The following EYS variants were observed in gnomAD, a reference collection of about 807,000 sequenced individuals.
EYS encodes the protein protein eyes shut homolog.
In EYS, 250 loss-of-function variants were observed where a neutral mutation model predicts 282.1. That is an observed-to-expected ratio of 0.89 (90% CI 0.80 to 0.98). The LOEUF is 0.98. EYS is among the 50% of genes least tolerant of loss of function. EYS has a pLI of 0.00. For synonymous variants in EYS, 1,355 were observed against 1,282.9 expected, an observed-to-expected ratio of 1.06 and a Z score of -1.20; for missense variants, 4,016 against 3,709.0, an observed-to-expected ratio of 1.08 and a Z score of -2.15.
intron 5 of EYS, among the ~76,000 whole-genome samples, chr6:65,412,084 A>T (rs903406410): frequency 6.6e-6 from 1 of 152,098 alleles, no homozygotes; most frequent in Non-Finnish European, 1.5e-5. Context: ...TAATAATCAG[A>T]TAGCTTGCTA....
intron 26 of EYS, among the ~76,000 whole-genome samples, chr6:64,451,611 T>A (rs997357021): frequency 6.6e-6 from 1 of 152,110 alleles, no homozygotes; most frequent in African/African-American, 2.4e-5. Context: ...AAATCCTCAA[T>A]AAAATACTGG....
chr6:65,286,857 G>C (rs781392176), intron 12 of EYS, among the ~76,000 whole-genome samples: 11 of 151,458 alleles, frequency 7.3e-5, no homozygotes, highest in Non-Finnish European at 1.2e-4. Flanking sequence ...TAGTGAATGG[G>C]GTTTTAGTTT....
At chr6:64,515,074 G>T (rs192188673) in intron 26 of EYS, among the ~76,000 whole-genome samples, 5 of 151,748 alleles carry the variant, frequency 3.3e-5, no homozygotes, top group African/African-American at 1.2e-4. Flanking sequence ...TTCCACTGTT[G>T]ATTTTCTACT....
At chr6:65,330,882 A>G (rs1769773148) in intron 11 of EYS, 1 of 959,524 alleles carries the variant, frequency 1.0e-6, no homozygotes, top group Admixed American at 6.2e-5. Context: ...AGTTTCATTT[A>G]AGGTCTTATT....
Position 64,591,800 on chromosome 6 carries a change from C to T in EYS, c.4067G>A (p.Arg1356His), listed in dbSNP as rs961867431. 52 of 1,551,052 alleles carry T rather than the reference C, an allele frequency of 3.4e-5. No homozygotes were observed. The Admixed American group carries it at 5.7e-4, about 17-fold the overall frequency. ...GTCCTGGACAATTTGTGCTGGGTCA[C>T]GAATACCAAAATTCAGGAATCGAGA... ...SSSRFLNFGIRDPAQIVQDKT... is the reference protein window; with the variant it reads ...SSSRFLNFGIHDPAQIVQDKT... Residue 1356 changes from arginine to histidine, a missense_variant, in exon 26 of 43, where the codon CGT (arginine) becomes CAT (histidine). By Grantham distance (29) the Arg-to-His change is conservative. Transcript: ENST00000503581.
intron 26 of EYS, among the ~76,000 whole-genome samples, chr6:64,490,782 T>C (rs891317450): frequency 3.3e-5 from 5 of 150,984 alleles, no homozygotes; most frequent in African/African-American, 1.2e-4. Context: ...GAGATTAGCA[T>C]TAACCACAGA....
chr6:64,849,037 C>T (rs1339427449), intron 19 of EYS, among the ~76,000 whole-genome samples: 3 of 151,902 alleles, frequency 2.0e-5, no homozygotes, highest in African/African-American at 7.2e-5. Context: ...CCTAAATAAT[C>T]CCTCCACACT....
chr6:63,877,624 G>T (rs934896797), intron 35 of EYS, among the ~76,000 whole-genome samples: 1 of 151,798 alleles, frequency 6.6e-6, no homozygotes, highest in African/African-American at 2.4e-5. Context: ...ACGTAGATTT[G>T]TTTTTTTTAC....
rs1004173492 is a variant in EYS at position 64,707,676 on chromosome 6, A to G, written c.3444-81431T>C. On this transcript the variant is annotated intron_variant, in intron 22 of 42. Transcript: ENST00000503581. ...TGAGACTCGTATCAAAAAAAAAAAA[A>G]AAAAAAAGACTACACATTGGGTACA... Among the ~76,000 whole-genome samples, 177 of 151,888 alleles carry G rather than the reference A, an allele frequency of 1.2e-3. 1 individual carries two copies. Among genetic ancestry groups the G allele is most frequent in the African/African-American group, 4.1e-3 (172 of 41,486 alleles).
chr6:64,929,519 T>C (rs1208475898), intron 15 of EYS, among the ~76,000 whole-genome samples: 1 of 152,172 alleles, frequency 6.6e-6, no homozygotes, highest in Non-Finnish European at 1.5e-5. Context: ...TCCTTTGTGC[T>C]ACTGTTATCA....
intron 26 of EYS, among the ~76,000 whole-genome samples, chr6:64,507,350 G>A (rs1420912774): frequency 6.6e-6 from 1 of 152,090 alleles, no homozygotes; most frequent in Non-Finnish European, 1.5e-5. Flanking sequence ...GATGAGAGAA[G>A]AAAATGAAGT....
Position 64,151,317 on chromosome 6 carries a change from TTATATATATATATATATATATATATATA to T in EYS, c.6425-69343_6425-69316del, listed in dbSNP as rs61575285. ...TTTTCACACGTGTGTGTGTGTATATTTATATATATATATATATATATATATATATATATATATATATATATAATTTTTT... is the reference window on the plus strand; with the variant it reads ...TTTTCACACGTGTGTGTGTGTATATTTATATATATATATATATAATTTTTT... On this transcript the variant is annotated intron_variant, in intron 31 of 42. Transcript: ENST00000503581. 5.9e-4 allele frequency among the ~76,000 whole-genome samples: 31 copies of T among 52,472 alleles called. 2 individuals are homozygous for T. The highest frequency in any genetic ancestry group is 1.7e-3 in the African/African-American group (18 of 10,660). 34.4% of individuals were successfully genotyped at this position (52,472 alleles called of 152,430 possible).
At chr6:64,768,466 C>T (rs1160808691) in intron 22 of EYS, among the ~76,000 whole-genome samples, 2 of 152,106 alleles carry the variant, frequency 1.3e-5, no homozygotes, top group Non-Finnish European at 2.9e-5. Context: ...TGATGGTATG[C>T]TTTAGTCCTT....
intron 19 of EYS, among the ~76,000 whole-genome samples, chr6:64,828,492 T>C (rs892466502): frequency 3.3e-5 from 5 of 151,954 alleles, no homozygotes; most frequent in African/African-American, 9.7e-5. Context: ...ATGCATAGAT[T>C]TTATAGTAGT....
At chr6:64,287,699 C>A (rs1269843213) in intron 30 of EYS, among the ~76,000 whole-genome samples, 1 of 152,038 alleles carries the variant, frequency 6.6e-6, no homozygotes, top group Non-Finnish European at 1.5e-5. Flanking sequence ...TGTTGTGACA[C>A]CATTTTATTT....
chr6:64,316,178 C>T (rs1017342687), intron 29 of EYS, among the ~76,000 whole-genome samples: 1 of 152,188 alleles, frequency 6.6e-6, no homozygotes, highest in African/African-American at 2.4e-5. Flanking sequence ...TGCCCTCTCT[C>T]ACCACACCTA....
chr6:64,715,745 C>T (rs1376244246), intron 22 of EYS, among the ~76,000 whole-genome samples: 1 of 152,178 alleles, frequency 6.6e-6, no homozygotes, highest in Non-Finnish European at 1.5e-5. Flanking sequence ...CACTCATTGC[C>T]CTCATAATTC....
At position 63,844,513 on chromosome 6, in the gene EYS, A is replaced by G. The variant is rs917693528; in HGVS notation, c.7228+19673T>C. ...CCTGTTTCTCCACAACCTCTCCAGC[A>G]TCTGTTGTTTCTTGACTTCTTAATA... is the stretch of plus-strand genomic sequence containing the variant. On this transcript the variant is annotated intron_variant, in intron 36 of 42. Transcript: ENST00000503581. 9.9e-5 allele frequency among the ~76,000 whole-genome samples: 15 copies of G among 152,048 alleles called. 1 individual carries two copies. Among genetic ancestry groups the G allele is most frequent in the Non-Finnish European group, 1.5e-5 (1 of 68,018 alleles).
At chr6:64,678,881 G>A (rs1214126829) in intron 22 of EYS, among the ~76,000 whole-genome samples, 1 of 151,648 alleles carries the variant, frequency 6.6e-6, no homozygotes, top group Non-Finnish European at 1.5e-5. Flanking sequence ...CAGCTGCTCG[G>A]GAGGCTGAGG....
Sources: gnomAD v4.1 joint callset for allele counts (sites outside exome capture counted in the v4.1 genomes callset) on GRCh38, gnomAD v4.1.1 for gene constraint, MANE v1.5 for transcripts, NCBI Gene and HGNC (gene_info 2026-07-23, HGNC 2026-07-21) for gene names.